Variants in TNFSF4 observed in about 807,000 individuals in gnomAD.
TNFSF4 encodes tumor necrosis factor ligand superfamily member 4.
In TNFSF4, 4 loss-of-function variants were observed where a neutral mutation model predicts 7.3. The observed-to-expected ratio is 0.55, with a 90% CI of 0.27 to 1.25. The LOEUF (loss-of-function observed/expected upper bound fraction) is 1.25, where lower values mean the gene tolerates loss of function less well. Ranked by LOEUF, TNFSF4 falls within the 50% of genes most tolerant of loss-of-function variation. The pLI, the probability that TNFSF4 is intolerant of heterozygous loss-of-function variation, is 0.12. For missense variants in TNFSF4, 181 were observed against 208.8 expected, an observed-to-expected ratio of 0.87 and a Z score of 0.82; for synonymous variants, 76 against 83.7, an observed-to-expected ratio of 0.91 and a Z score of 0.50.
At chr1:173,374,278 G>A in the TNFSF4 span, among the ~76,000 whole-genome samples, 1 of 152,136 alleles carries the variant, frequency 6.6e-6, no homozygotes, top group Non-Finnish European at 1.5e-5. Flanking sequence ...GGATATCACA[G>A]AGACAAGGGA....
the TNFSF4 span, among the ~76,000 whole-genome samples, chr1:173,382,894 AC>A: frequency 4.6e-5 from 7 of 151,868 alleles, no homozygotes; most frequent in South Asian, 6.3e-4. Flanking sequence ...ACACACACAC[AC>A]ACACACACAC....
the TNFSF4 span, among the ~76,000 whole-genome samples, chr1:173,407,140 G>T: frequency 6.6e-6 from 1 of 151,220 alleles, no homozygotes; most frequent in Non-Finnish European, 1.5e-5. Context: ...GGTGGTGCGG[G>T]AGGGGAGAAA....
the TNFSF4 span, chr1:173,351,962 G>T: frequency 1.9e-6 from 1 of 521,132 alleles, no homozygotes; most frequent in Non-Finnish European, 3.5e-6. Context: ...AGGCAGGAAA[G>T]GAAAAGGGCA....
chr1:173,297,260 C>T, the TNFSF4 span, among the ~76,000 whole-genome samples: 1 of 151,712 alleles, frequency 6.6e-6, no homozygotes, highest in African/African-American at 2.4e-5. Context: ...TATGTTAGAC[C>T]TTGTTTCCTT....
the TNFSF4 span, among the ~76,000 whole-genome samples, chr1:173,381,009 T>G: frequency 2.6e-5 from 4 of 152,094 alleles, no homozygotes; most frequent in African/African-American, 7.2e-5. Flanking sequence ...TCAGTACCCC[T>G]CAAAGCTCAA....
chr1:173,362,125 A>G, the TNFSF4 span, among the ~76,000 whole-genome samples: 2 of 152,252 alleles, frequency 1.3e-5, no homozygotes, highest in Non-Finnish European at 2.9e-5. Flanking sequence ...ATACTAAATT[A>G]CTAGTTTTTT....
the TNFSF4 span, among the ~76,000 whole-genome samples, chr1:173,297,804 C>T: frequency 3.3e-5 from 5 of 151,964 alleles, no homozygotes; most frequent in African/African-American, 1.2e-4. Flanking sequence ...CAGCAAACCT[C>T]TGGGGTAGAA....
At chr1:173,426,243 G>A in the TNFSF4 span, among the ~76,000 whole-genome samples, 1 of 152,188 alleles carries the variant, frequency 6.6e-6, no homozygotes, top group African/African-American at 2.4e-5. Flanking sequence ...CCCTTAGTCA[G>A]ATATGGAAAC....
the TNFSF4 span, among the ~76,000 whole-genome samples, chr1:173,419,875 C>T: frequency 3.3e-5 from 5 of 152,132 alleles, no homozygotes; most frequent in East Asian, 7.7e-4. Context: ...CCCTGGACTC[C>T]CTCCCTGATT....
At chr1:173,449,018 G>A in the TNFSF4 span, among the ~76,000 whole-genome samples, 1 of 152,290 alleles carries the variant, frequency 6.6e-6, no homozygotes, top group South Asian at 2.1e-4. Context: ...TTAGAAGTGG[G>A]GCCTGGTGGG....
the TNFSF4 span, among the ~76,000 whole-genome samples, chr1:173,232,640 T>C: frequency 1.3e-5 from 2 of 152,316 alleles, no homozygotes; most frequent in South Asian, 2.1e-4. Context: ...TGAGATACGT[T>C]CCATCAATAC....
the TNFSF4 span, among the ~76,000 whole-genome samples, chr1:173,414,496 A>G: frequency 6.6e-6 from 1 of 152,220 alleles, no homozygotes; most frequent in African/African-American, 2.4e-5. Flanking sequence ...TATTGTCTCA[A>G]TATTGCAAAC....
the TNFSF4 span, among the ~76,000 whole-genome samples, chr1:173,437,628 T>G: frequency 6.6e-6 from 1 of 152,188 alleles, no homozygotes; most frequent in Non-Finnish European, 1.5e-5. Flanking sequence ...TTTCCCAAAC[T>G]GATTCTCAAT....
the TNFSF4 span, among the ~76,000 whole-genome samples, chr1:173,378,825 C>G: frequency 3.3e-5 from 5 of 152,026 alleles, no homozygotes; most frequent in South Asian, 1.0e-3. Flanking sequence ...TAATCTCCCC[C>G]GCCCATAAGG....
chr1:173,395,330 T>C, the TNFSF4 span, among the ~76,000 whole-genome samples: 13 of 139,592 alleles, frequency 9.3e-5, no homozygotes, highest in Admixed American at 9.1e-4. Context: ...TGGATACTCC[T>C]AGTCAACCAC....
the TNFSF4 span, among the ~76,000 whole-genome samples, chr1:173,356,314 T>A: frequency 6.6e-6 from 1 of 152,164 alleles, no homozygotes; most frequent in East Asian, 1.9e-4. Flanking sequence ...TCCATTTTGA[T>A]GAGAAGGGGT....
At chr1:173,274,353 T>C in the TNFSF4 span, among the ~76,000 whole-genome samples, 1 of 152,118 alleles carries the variant, frequency 6.6e-6, no homozygotes, top group Non-Finnish European at 1.5e-5. Flanking sequence ...GCAGACAACA[T>C]TTTTGAACTT....
the TNFSF4 span, among the ~76,000 whole-genome samples, chr1:173,369,830 G>A: frequency 6.6e-6 from 1 of 152,050 alleles, no homozygotes; most frequent in Non-Finnish European, 1.5e-5. Flanking sequence ...AATACTTTAT[G>A]TCCAAGCTTT....
At chr1:173,403,402 G>C in the TNFSF4 span, among the ~76,000 whole-genome samples, 1 of 152,174 alleles carries the variant, frequency 6.6e-6, no homozygotes, top group Non-Finnish European at 1.5e-5. Context: ...CAACATAAAG[G>C]AGTTCGCCAA....
Sources: gnomAD v4.1 joint callset for allele counts (sites outside exome capture counted in the v4.1 genomes callset) on GRCh38, gnomAD v4.1.1 for gene constraint, MANE v1.5 for transcripts, NCBI Gene and HGNC (gene_info 2026-07-23, HGNC 2026-07-21) for gene names.